SH3PXD2A: variants seen among roughly 807,000 people sequenced by gnomAD.
SH3PXD2A encodes the protein SH3 and PX domain-containing protein 2A.
Under a neutral mutation model 115.2 loss-of-function variants are expected in SH3PXD2A, and 32 were observed. That is an observed-to-expected ratio of 0.28 (90% CI 0.21 to 0.37). The LOEUF (loss-of-function observed/expected upper bound fraction) is 0.37. Ranked by LOEUF, SH3PXD2A falls within the 10% of genes least tolerant of loss-of-function variation. The pLI, the probability that SH3PXD2A is intolerant of heterozygous loss-of-function variation, is 1.00. For missense variants in SH3PXD2A, 1,328 were observed against 1,498.7 expected (o/e 0.89, Z 1.88); for synonymous variants, 610 against 629.1 (o/e 0.97, Z 0.45).
At chr10:103,754,040 G>C (rs1295355258) in intron 3 of SH3PXD2A, 2 of 152,162 alleles carry the variant, frequency 1.3e-5, no homozygotes, top group African/African-American at 4.8e-5. Flanking sequence ...AGTAAAAACT[G>C]TGCCAATCAG....
chr10:103,776,496 G>A (rs1254569367), intron 2 of SH3PXD2A, among the ~76,000 whole-genome samples: 2 of 149,692 alleles, frequency 1.3e-5, no homozygotes, highest in Admixed American at 6.7e-5. Flanking sequence ...GTTTGCTAGG[G>A]CCACTGTAAC....
intron 6 of SH3PXD2A, among the ~76,000 whole-genome samples, chr10:103,675,835 G>A (rs1167281649): frequency 6.6e-6 from 1 of 152,130 alleles, no homozygotes; most frequent in Non-Finnish European, 1.5e-5. Flanking sequence ...CTGAGGTCAG[G>A]AGTTCGAGAC....
intron 1 of SH3PXD2A, among the ~76,000 whole-genome samples, chr10:103,826,998 A>G (rs547150002): frequency 3.9e-5 from 6 of 152,302 alleles, no homozygotes; most frequent in Admixed American, 2.6e-4. Context: ...CCCACAGGGC[A>G]TGGAAGTGAT....
In SH3PXD2A at chr10:103,661,126, A is replaced by G; in HGVS notation, c.473-12T>C. Reference sequence around the variant, plus strand: ...GGTGGCGTCGGCACCTGGCGAGGGCAGAAAGCACGCGGTGAGCCAGCGGCC... The same window carrying G: ...GGTGGCGTCGGCACCTGGCGAGGGCGGAAAGCACGCGGTGAGCCAGCGGCC... On this transcript the variant is annotated splice_polypyrimidine_tract_variant and intron_variant, in intron 7 of 14. Coordinates refer to ENST00000369774, the MANE Select transcript of SH3PXD2A (RefSeq NM_001394015.1). The G allele has an allele frequency of 6.2e-7, 1 of 1,611,510 alleles. No homozygotes were observed.
chr10:103,605,956 A>G, intron 13 of SH3PXD2A, 39 bp from the exon 14 acceptor site: 1 of 1,607,616 alleles, frequency 6.2e-7, no homozygotes. Flanking sequence ...AACCCGCCTA[A>G]ATCAGAAGAG....
chr10:103,762,637 G>T (rs1304516021), intron 3 of SH3PXD2A, among the ~76,000 whole-genome samples: 1 of 152,142 alleles, frequency 6.6e-6, no homozygotes, highest in African/African-American at 2.4e-5. Context: ...TCCCACGTGG[G>T]TCCATAGCTT....
intron 9 of SH3PXD2A, among the ~76,000 whole-genome samples, chr10:103,626,205 G>A (rs1181453091): frequency 2.6e-5 from 4 of 152,398 alleles, no homozygotes; most frequent in East Asian, 1.9e-4. Flanking sequence ...CCAGCTGCCC[G>A]CCGAGTAACC....
intron 5 of SH3PXD2A, among the ~76,000 whole-genome samples, chr10:103,697,135 C>T (rs1056938732): frequency 5.9e-5 from 9 of 152,166 alleles, no homozygotes; most frequent in Non-Finnish European, 1.3e-4. Flanking sequence ...CTGCTGCTTG[C>T]AGTGGGGGCA....
chr10:103,778,202 G>C (rs186416280), intron 2 of SH3PXD2A, among the ~76,000 whole-genome samples: 5 of 152,134 alleles, frequency 3.3e-5, no homozygotes, highest in Admixed American at 3.3e-4. Flanking sequence ...GCACGGTGGC[G>C]GATGCCTGTA....
At chr10:103,694,494 C>G (rs1466734508) in intron 5 of SH3PXD2A, among the ~76,000 whole-genome samples, 1 of 151,942 alleles carries the variant, frequency 6.6e-6, no homozygotes, top group Non-Finnish European at 1.5e-5. Context: ...AGGCATCGAC[C>G]TTTCCCAAAA....
intron 7 of SH3PXD2A, chr10:103,662,011 T>G (rs981957753): frequency 1.1e-6 from 1 of 952,138 alleles, no homozygotes; most frequent in African/African-American, 1.8e-5. Context: ...GCCTCAGGCC[T>G]GCCCCCAGCC....
At chr10:103,658,179 G>A (rs935420295) in intron 8 of SH3PXD2A, among the ~76,000 whole-genome samples, 3 of 152,214 alleles carry the variant, frequency 2.0e-5, no homozygotes, top group African/African-American at 7.2e-5. Flanking sequence ...AGAGCACAGA[G>A]GGGCTCTGAT....
Position 103,599,852 on chromosome 10 carries a change from CACAAA to C in SH3PXD2A, c.*1959_*1963del, listed in dbSNP as rs1191063257. On this transcript the variant is annotated 3_prime_UTR_variant, in exon 15 of 15. Coordinates refer to ENST00000369774, the MANE Select transcript of SH3PXD2A (RefSeq NM_001394015.1). ...AACTAATTTCAATTTTAAACAAACT[CACAAA>C]ACAAAAGGAAACAAAACAATCTCAC... is the stretch of plus-strand genomic sequence containing the variant. 5.2e-5 allele frequency: 8 copies of C among 152,626 alleles called. No homozygotes were observed. The highest frequency in any genetic ancestry group is 1.2e-4 in the Non-Finnish European group (8 of 68,054). 9.5% of individuals were successfully genotyped at this position (152,626 alleles called of 1,614,324 possible).
intron 1 of SH3PXD2A, among the ~76,000 whole-genome samples, chr10:103,826,044 T>C (rs2039427755): frequency 6.6e-6 from 1 of 152,198 alleles, no homozygotes; most frequent in Non-Finnish European, 1.5e-5. Flanking sequence ...ATTACAGGCG[T>C]GAGCCACCGT....
At chr10:103,731,220 G>T (rs1049736333) in intron 4 of SH3PXD2A, among the ~76,000 whole-genome samples, 3 of 151,582 alleles carry the variant, frequency 2.0e-5, no homozygotes, top group African/African-American at 7.3e-5. Flanking sequence ...GAGTGCAGTG[G>T]TGCAACCATG....
Position 103,795,942 on chromosome 10 carries a change from G to GGAAA in SH3PXD2A, c.153+5339_153+5340insTTTC, listed in dbSNP as rs1185157209. On this transcript the variant is annotated intron_variant, in intron 2 of 14. Transcript: ENST00000369774. ...AGGAAGGAAGGAAGGCAGGAAGGAA[G>GGAAA]GAAGGAAGGAAGGAAACCAGAGACA... Among the ~76,000 whole-genome samples the GGAAA allele has an allele frequency of 8.7e-5, 13 of 149,982 alleles. 1 individual carries two copies. The highest frequency in any genetic ancestry group is 1.9e-4 in the Non-Finnish European group (13 of 67,532).
intron 3 of SH3PXD2A, among the ~76,000 whole-genome samples, chr10:103,748,034 T>C (rs1202634001): frequency 6.6e-6 from 1 of 151,814 alleles, no homozygotes; most frequent in Non-Finnish European, 1.5e-5. Flanking sequence ...CCCACCAGCA[T>C]TTTCTGTGGT....
intron 7 of SH3PXD2A, among the ~76,000 whole-genome samples, chr10:103,664,845 T>C (rs532782217): frequency 8.6e-5 from 13 of 150,496 alleles, no homozygotes; most frequent in Admixed American, 2.6e-4. Flanking sequence ...TTTTTTTTTG[T>C]ATTTTTTAGT....
At chr10:103,612,801 C>T (rs1260876143) in intron 12 of SH3PXD2A, 52 bp downstream of exon 12, 4 of 1,344,610 alleles carry the variant, frequency 3.0e-6, no homozygotes, top group Non-Finnish European at 4.1e-6. Context: ...CACCCATGCC[C>T]ATTCTCTAAG....
Sources: gnomAD v4.1 joint callset for allele counts (sites outside exome capture counted in the v4.1 genomes callset) on GRCh38, gnomAD v4.1.1 for gene constraint, MANE v1.5 for transcripts, NCBI Gene and HGNC (gene_info 2026-07-23, HGNC 2026-07-21) for gene names.